Variants in ADAMTS9 observed in about 807,000 individuals in gnomAD.
ADAMTS9 encodes ADAM metallopeptidase with thrombospondin type 1 motif 9.
A neutral mutation model predicts 257.1 loss-of-function variants in ADAMTS9; 107 were observed. The ratio of observed to expected loss-of-function variants is 0.42; its 90% CI spans 0.36 to 0.49. ADAMTS9 has a LOEUF of 0.49. Among genes scored for constraint, ADAMTS9 ranks in the 20% least tolerant of loss-of-function variants. The pLI, the probability that ADAMTS9 is intolerant of heterozygous loss-of-function variation, is 0.03. For synonymous variants in ADAMTS9, 982 were observed against 880.9 expected (o/e 1.11, Z -2.03); for missense variants, 2,353 against 2,469.1 (o/e 0.95, Z 1.00).
intron 38 of ADAMTS9, among the ~76,000 whole-genome samples, chr3:64,526,278 A>G (rs2082909253): frequency 6.6e-6 from 1 of 152,024 alleles, no homozygotes; most frequent in Admixed American, 6.6e-5. Context: ...TCAAAATATC[A>G]CTAGTATAAC....
intron 3 of ADAMTS9, among the ~76,000 whole-genome samples, chr3:64,660,111 G>A (rs976129666): frequency 1.1e-4 from 16 of 152,172 alleles, no homozygotes; most frequent in African/African-American, 3.6e-4. Context: ...AATTTCATCA[G>A]TTAACTTGAC....
At chr3:64,622,878 C>T (rs1394522741) in intron 16 of ADAMTS9, among the ~76,000 whole-genome samples, 1 of 152,138 alleles carries the variant, frequency 6.6e-6, no homozygotes, top group African/African-American at 2.4e-5. Flanking sequence ...AAACCTTGAT[C>T]TTGTTATACA....
intron 39 of ADAMTS9, chr3:64,521,362 T>C (rs113242060): frequency 2.0e-5 from 3 of 152,156 alleles, no homozygotes; most frequent in African/African-American, 7.2e-5. Context: ...AATTAGTTCA[T>C]CCTTTGTGAA....
At chr3:64,536,465 T>A (rs1361458837) in intron 37 of ADAMTS9, among the ~76,000 whole-genome samples, 1 of 152,238 alleles carries the variant, frequency 6.6e-6, no homozygotes, top group East Asian at 1.9e-4. Flanking sequence ...TTGCAAAAGA[T>A]GTGCTTAGAC....
chr3:64,609,830 T>C (rs74923473), intron 22 of ADAMTS9, among the ~76,000 whole-genome samples: 16,895 of 152,132 alleles, frequency 0.11, 1,194 homozygotes, highest in East Asian at 0.26. Flanking sequence ...CAAAATGATA[T>C]TGAAAAAGAA....
chr3:64,553,786 A>G (rs1268212076), intron 30 of ADAMTS9, among the ~76,000 whole-genome samples: 3 of 152,144 alleles, frequency 2.0e-5, no homozygotes, highest in Non-Finnish European at 4.4e-5. Context: ...CTGTGAGGTG[A>G]GCATGGAGGA....
intron 29 of ADAMTS9, 152 bp downstream of exon 29, chr3:64,568,216 T>A: frequency 1.3e-6 from 1 of 744,148 alleles, no homozygotes. Flanking sequence ...CTAGTAAGTA[T>A]CCTGACTATC....
intron 3 of ADAMTS9, among the ~76,000 whole-genome samples, chr3:64,678,593 C>T (rs1408678493): frequency 6.6e-6 from 1 of 152,158 alleles, no homozygotes; most frequent in African/African-American, 2.4e-5. Context: ...AACCACTGCT[C>T]TTGATTGGGG....
In ADAMTS9 at chr3:64,681,351, G is replaced by A. The variant is rs759604174; in HGVS notation, c.529C>T (p.Arg177Trp). 11 of 1,610,892 alleles carry A rather than the reference G, an allele frequency of 6.8e-6. No homozygotes were observed. Among genetic ancestry groups the A allele is most frequent in the African/African-American group, 4.0e-5 (3 of 74,710 alleles). The change falls in exon 3 of 40, where the codon CGG becomes TGG. Residue 177 changes from arginine to tryptophan, a missense_variant. Arg to Trp is a moderately radical substitution (Grantham distance 101). Transcript: ENST00000498707. Reference protein sequence around the residue: ...SLCSGMLGTFRSHDGDYFIEP... With the variant: ...SLCSGMLGTFWSHDGDYFIEP... ...ATAAAATAATCCCCATCATGAGACC[G>A]GAATGTGCCCAGCTGCAAATGAAGA...
chr3:64,527,760 A>C (rs1169609107), intron 38 of ADAMTS9, among the ~76,000 whole-genome samples: 1 of 152,164 alleles, frequency 6.6e-6, no homozygotes, highest in Non-Finnish European at 1.5e-5. Flanking sequence ...AGACTACCTA[A>C]AATGTAAATG....
intron 4 of ADAMTS9, among the ~76,000 whole-genome samples, chr3:64,658,092 G>A (rs1272610614): frequency 6.6e-6 from 1 of 152,066 alleles, no homozygotes; most frequent in Non-Finnish European, 1.5e-5. Context: ...GAGGCAAAAA[G>A]CATTGGTTTT....
chr3:64,581,312 T>C (rs1170064840), intron 28 of ADAMTS9, among the ~76,000 whole-genome samples: 1 of 152,220 alleles, frequency 6.6e-6, no homozygotes, highest in Non-Finnish European at 1.5e-5. Context: ...AGCTTTTTGG[T>C]GGTGGTGGTG....
intron 11 of ADAMTS9, among the ~76,000 whole-genome samples, chr3:64,643,236 A>G (rs1700701042): frequency 6.6e-6 from 1 of 152,170 alleles, no homozygotes; most frequent in African/African-American, 2.4e-5. Flanking sequence ...CTTAGAAAAT[A>G]TACATATAAA....
chr3:64,644,810 C>A (rs556149054), intron 11 of ADAMTS9, among the ~76,000 whole-genome samples: 100 of 152,338 alleles, frequency 6.6e-4, no homozygotes, highest in African/African-American at 2.4e-3. Context: ...CAAATGACCA[C>A]TCTTCTCATT....
chr3:64,570,145 T>TATAA (rs144803166), intron 28 of ADAMTS9, among the ~76,000 whole-genome samples: 3,226 of 152,304 alleles, frequency 0.021, 128 homozygotes, highest in African/African-American at 0.074. Flanking sequence ...TTCATTTATT[T>TATAA]ATTCGACAAA....
intron 3 of ADAMTS9, among the ~76,000 whole-genome samples, chr3:64,672,168 G>A (rs1701506306): frequency 6.6e-6 from 1 of 152,184 alleles, no homozygotes. Context: ...AGAAAGATGT[G>A]CGTCTTAGCC....
chr3:64,604,438 C>G, intron 23 of ADAMTS9, 107 bp from the exon 24 acceptor site: 1 of 793,960 alleles, frequency 1.3e-6, no homozygotes, highest in South Asian at 2.2e-5. Flanking sequence ...TCTAAGGCTT[C>G]AGATTTCTGT....
At chr3:64,539,578 T>C (rs192728999) in intron 36 of ADAMTS9, among the ~76,000 whole-genome samples, 4 of 152,334 alleles carry the variant, frequency 2.6e-5, no homozygotes, top group Admixed American at 2.6e-4. Flanking sequence ...CAAATGACTT[T>C]GGAATTGATT....
At chr3:64,668,722 C>G (rs1025255309) in intron 3 of ADAMTS9, among the ~76,000 whole-genome samples, 1 of 152,158 alleles carries the variant, frequency 6.6e-6, no homozygotes, top group Non-Finnish European at 1.5e-5. Context: ...GCTGCTGGAA[C>G]GAAGTGGCTC....
Sources: gnomAD v4.1 joint callset for allele counts (sites outside exome capture counted in the v4.1 genomes callset) on GRCh38, gnomAD v4.1.1 for gene constraint, MANE v1.5 for transcripts, NCBI Gene and HGNC (gene_info 2026-07-23, HGNC 2026-07-21) for gene names.